The following ROBO1 variants were observed in gnomAD, a reference collection of about 807,000 sequenced individuals.
The protein encoded by ROBO1 is roundabout guidance receptor 1.
A neutral mutation model predicts 195.9 loss-of-function variants in ROBO1; 149 were observed. The observed-to-expected ratio is 0.76, with a 90% confidence interval of 0.67 to 0.87. The LOEUF is 0.87. Among genes scored for constraint, ROBO1 ranks in the 40% least tolerant of loss-of-function variants. The probability of loss-of-function intolerance (pLI) is 0.00; values close to 1 mark genes in which losing one functional copy is unlikely to be tolerated. For missense variants in ROBO1, 1,933 were observed against 2,068.3 expected (o/e 0.93, Z 1.27); for synonymous variants, 816 against 733.2 (o/e 1.11, Z -1.82).
chr3:79,185,183 A>C (rs2081415687), intron 2 of ROBO1, among the ~76,000 whole-genome samples: 1 of 152,156 alleles, frequency 6.6e-6, no homozygotes. Context: ...GATCTAGATA[A>C]CTGTCTGAGA....
At chr3:79,071,938 A>G (rs183033532) in intron 3 of ROBO1, among the ~76,000 whole-genome samples, 68 of 151,906 alleles carry the variant, frequency 4.5e-4, no homozygotes, top group Admixed American at 2.4e-3. Context: ...AATGTTCTGT[A>G]TTTTGCAATT....
chr3:79,070,753 T>G (rs1194672647), intron 3 of ROBO1, among the ~76,000 whole-genome samples: 1 of 151,826 alleles, frequency 6.6e-6, no homozygotes, highest in East Asian at 1.9e-4. Context: ...CTTTGGAAAA[T>G]TCTTAGCCAT....
chr3:78,608,304 C>T (rs1473168145), intron 28 of ROBO1, among the ~76,000 whole-genome samples: 1 of 152,008 alleles, frequency 6.6e-6, no homozygotes, highest in East Asian at 1.9e-4. Context: ...CAGGGTTTCA[C>T]TATGTTGCTC....
At chr3:78,891,858 C>T (rs1474929173) in intron 4 of ROBO1, among the ~76,000 whole-genome samples, 1 of 152,120 alleles carries the variant, frequency 6.6e-6, no homozygotes, top group Non-Finnish European at 1.5e-5. Flanking sequence ...CTAGTGATCA[C>T]ATTCATATGA....
chr3:78,798,288 T>C (rs964344949), intron 4 of ROBO1, among the ~76,000 whole-genome samples: 1 of 152,344 alleles, frequency 6.6e-6, no homozygotes. Context: ...CTTTTCTGAA[T>C]GGCTAATTAA....
At chr3:79,364,783 G>A (rs376909311) in intron 2 of ROBO1, among the ~76,000 whole-genome samples, 4 of 152,050 alleles carry the variant, frequency 2.6e-5, no homozygotes, top group African/African-American at 9.7e-5. Flanking sequence ...TGATTCATAC[G>A]TCCGATACCT....
At chr3:78,842,183 A>T (rs1203017077) in intron 4 of ROBO1, among the ~76,000 whole-genome samples, 1 of 129,822 alleles carries the variant, frequency 7.7e-6, no homozygotes, top group African/African-American at 2.9e-5. Flanking sequence ...CTATATATAT[A>T]TATTTATATG....
chr3:79,546,947 C>T (rs1395667745), intron 2 of ROBO1, among the ~76,000 whole-genome samples: 2 of 151,692 alleles, frequency 1.3e-5, no homozygotes, highest in Non-Finnish European at 2.9e-5. Flanking sequence ...CTTGGGAGGC[C>T]GAGGCGGGCG....
At chr3:79,739,033 G>A (rs559181787) in intron 1 of ROBO1, among the ~76,000 whole-genome samples, 31 of 152,318 alleles carry the variant, frequency 2.0e-4, no homozygotes, top group Admixed American at 1.8e-3. Flanking sequence ...ATGGCACAAA[G>A]TTGTTTCTGA....
intron 4 of ROBO1, among the ~76,000 whole-genome samples, chr3:78,882,437 T>C (rs1240238173): frequency 4.6e-5 from 7 of 152,198 alleles, no homozygotes; most frequent in Non-Finnish European, 7.4e-5. Context: ...ATCCCTTATG[T>C]TTCCGTTCTC....
chr3:78,684,231 G>C (rs780398091), intron 10 of ROBO1, among the ~76,000 whole-genome samples: 1 of 151,932 alleles, frequency 6.6e-6, no homozygotes. Context: ...CAACAAAAAA[G>C]AACCTAAGTG....
intron 2 of ROBO1, among the ~76,000 whole-genome samples, chr3:79,559,806 A>T (rs1942841618): frequency 6.6e-6 from 1 of 152,088 alleles, no homozygotes; most frequent in South Asian, 2.1e-4. Flanking sequence ...TATCCCAGCT[A>T]CTTAGGAGGC....
At chr3:79,516,147 G>A (rs753774452) in intron 2 of ROBO1, among the ~76,000 whole-genome samples, 18 of 151,916 alleles carry the variant, frequency 1.2e-4, no homozygotes, top group Non-Finnish European at 2.6e-4. Flanking sequence ...CACTGCAACC[G>A]CTTTTGAAAC....
chr3:79,086,847 A>G (rs1238895058), intron 3 of ROBO1, among the ~76,000 whole-genome samples: 1 of 152,148 alleles, frequency 6.6e-6, no homozygotes, highest in Non-Finnish European at 1.5e-5. Flanking sequence ...TTATGTAATT[A>G]TGGATATTTA....
chr3:79,337,869 T>G (rs995472918), intron 2 of ROBO1, among the ~76,000 whole-genome samples: 1 of 152,142 alleles, frequency 6.6e-6, no homozygotes, highest in Non-Finnish European at 1.5e-5. Flanking sequence ...TTTAAAGCCT[T>G]AAGTATAACC....
chr3:78,883,168 G>A lies in ROBO1; in HGVS notation c.499+55433C>T, dbSNP rs531015205. ...TACGGCAGAAGCACTGAGACAAGTC[G>A]TTGTGTTTAGTTTCAACAGATTTTT... On this transcript the variant is annotated intron_variant, in intron 4 of 30. Coordinates refer to ENST00000464233, the MANE Select transcript of ROBO1 (RefSeq NM_002941.4). 6.6e-5 allele frequency among the ~76,000 whole-genome samples: 10 copies of A among 151,794 alleles called. No homozygotes were observed. In the South Asian group the frequency reaches 2.1e-3, roughly 32 times the overall value.
At chr3:79,028,997 T>A (rs1164846058) in intron 3 of ROBO1, among the ~76,000 whole-genome samples, 2 of 152,034 alleles carry the variant, frequency 1.3e-5, no homozygotes, top group Non-Finnish European at 2.9e-5. Flanking sequence ...TGAAGCACAA[T>A]TCATTATTTC....
At position 78,662,047 on chromosome 3, in the gene ROBO1, C is replaced by G. The variant is rs1270306765; in HGVS notation, c.2034G>C (p.Leu678=). The G allele has an allele frequency of 6.3e-7, 1 of 1,599,374 alleles. No homozygotes were observed. The highest frequency in any genetic ancestry group is 8.5e-7 in the Non-Finnish European group (1 of 1,172,766). ...AAAGGACGGTGGGGTTGTGGAGGTG[C>G]AGAACAGCATTTCCCAGCTCTCTCT... is the stretch of plus-strand genomic sequence containing the variant. The part of the protein sequence containing the change: ...QVQRELGNAV[L]HLHNPTVLSS... Residue 678 remains leucine (L), a synonymous_variant, in exon 15 of 31, where the codon CTG becomes CTC. Coordinates refer to ENST00000464233, the MANE Select transcript of ROBO1 (RefSeq NM_002941.4).
chr3:78,953,039 T>A (rs903446437), intron 3 of ROBO1, among the ~76,000 whole-genome samples: 36 of 152,034 alleles, frequency 2.4e-4, no homozygotes, highest in African/African-American at 8.2e-4. Context: ...TATGGCTATG[T>A]CCCCAGAGAT....
Sources: gnomAD v4.1 joint callset for allele counts (sites outside exome capture counted in the v4.1 genomes callset) on GRCh38, gnomAD v4.1.1 for gene constraint, MANE v1.5 for transcripts, NCBI Gene and HGNC (gene_info 2026-07-23, HGNC 2026-07-21) for gene names.